The following CNTN4 variants were observed in gnomAD, a reference collection of about 807,000 sequenced individuals.
The protein encoded by CNTN4 is contactin 4.
In CNTN4, 77 loss-of-function variants were observed where a neutral mutation model predicts 122.5. The ratio of observed to expected loss-of-function variants is 0.63; its 90% CI spans 0.52 to 0.76. The LOEUF (loss-of-function observed/expected upper bound fraction) is 0.76. Ranked by LOEUF, CNTN4 falls within the 30% of genes least tolerant of loss-of-function variation. CNTN4 has a pLI of 0.00. For synonymous variants in CNTN4, 512 were observed against 447.0 expected (o/e 1.15, Z -1.83); for missense variants, 1,256 against 1,259.1 (o/e 1.00, Z 0.04).
intron 6 of CNTN4, among the ~76,000 whole-genome samples, chr3:2,791,159 A>T (rs2091996932): frequency 6.6e-6 from 1 of 152,222 alleles, no homozygotes; most frequent in African/African-American, 2.4e-5. Context: ...GTAACTCACA[A>T]GATTACTGTA....
Position 3,034,980 on chromosome 3 carries a change from T to C in CNTN4, c.1942+190T>C, listed in dbSNP as rs147002513. Among the ~76,000 whole-genome samples the C allele has an allele frequency of 2.3e-3, 345 of 152,294 alleles. 3 individuals are homozygous for C. Among genetic ancestry groups the C allele is most frequent in the African/African-American group, 7.9e-3 (330 of 41,544 alleles). ...TTATATCAAATCACAGTTGGGTTTT[T>C]TTAAACTCATCCTAAGCAATAGTAT... On this transcript the variant is annotated intron_variant, in intron 17 of 24. Coordinates refer to ENST00000418658, the MANE Select transcript of CNTN4 (RefSeq NM_175607.3).
At chr3:2,320,581 G>A (rs1301524468) in intron 2 of CNTN4, among the ~76,000 whole-genome samples, 1 of 151,978 alleles carries the variant, frequency 6.6e-6, no homozygotes, top group Non-Finnish European at 1.5e-5. Context: ...AAGGTTAATG[G>A]CACATTAATT....
intron 3 of CNTN4, among the ~76,000 whole-genome samples, chr3:2,427,255 G>T (rs7649185): frequency 0.34 from 51,173 of 151,684 alleles, 10,022 homozygotes; most frequent in East Asian, 0.74. Context: ...GGGTGCCAGA[G>T]ATTCTGGTAT....
At chr3:2,155,161 T>C (rs2035663305) in intron 2 of CNTN4, among the ~76,000 whole-genome samples, 1 of 152,238 alleles carries the variant, frequency 6.6e-6, no homozygotes, top group African/African-American at 2.4e-5. Context: ...ATCTTCTCAT[T>C]ATGTTCAGAA....
intron 11 of CNTN4, among the ~76,000 whole-genome samples, chr3:2,902,450 A>G (rs2094185321): frequency 6.6e-6 from 1 of 152,180 alleles, no homozygotes; most frequent in African/African-American, 2.4e-5. Context: ...TAATCCTATT[A>G]ACCTTCAAAG....
chr3:2,536,121 C>CA (rs2077794429), intron 3 of CNTN4, among the ~76,000 whole-genome samples: 1 of 152,108 alleles, frequency 6.6e-6, no homozygotes, highest in Non-Finnish European at 1.5e-5. Flanking sequence ...CAGGACTCTC[C>CA]AATAGGCAGG....
At position 2,270,121 on chromosome 3, in the gene CNTN4, T is replaced by A. The variant is rs542268799; in HGVS notation, c.-144-69057T>A. On this transcript the variant is annotated intron_variant, in intron 2 of 24. Coordinates refer to ENST00000418658, the MANE Select transcript of CNTN4 (RefSeq NM_175607.3). ...CCCGCCACCGCGCCCGGCTAATTTT[T>A]TGTATTTTTAGTAGAGACGGGGTTT... Among the ~76,000 whole-genome samples the A allele has an allele frequency of 8.5e-3, 786 of 91,952 alleles. 161 individuals are homozygous for A. The highest frequency in any genetic ancestry group is 0.026 in the African/African-American group (750 of 29,234). 60.3% of individuals were successfully genotyped at this position (91,952 alleles called of 152,430 possible).
chr3:2,624,177 T>G (rs997632593), intron 4 of CNTN4, among the ~76,000 whole-genome samples: 1 of 152,214 alleles, frequency 6.6e-6, no homozygotes, highest in African/African-American at 2.4e-5. Flanking sequence ...TAAATTGTTG[T>G]CTTTGTAATT....
chr3:2,748,168 C>T (rs1302339519), intron 6 of CNTN4, among the ~76,000 whole-genome samples: 1 of 152,148 alleles, frequency 6.6e-6, no homozygotes, highest in South Asian at 2.1e-4. Flanking sequence ...GAACTTTTTT[C>T]AGTTAATGAA....
chr3:2,172,943 C>T (rs756190874), intron 2 of CNTN4, among the ~76,000 whole-genome samples: 20 of 152,126 alleles, frequency 1.3e-4, no homozygotes, highest in South Asian at 2.1e-4. Flanking sequence ...AGATGATTGA[C>T]GTTTTAAGCC....
chr3:2,663,530 G>T (rs568855260), intron 4 of CNTN4, among the ~76,000 whole-genome samples: 16 of 152,152 alleles, frequency 1.1e-4, no homozygotes, highest in Non-Finnish European at 8.8e-5. Context: ...GAAGGAGGTT[G>T]AAACTTGAGG....
intron 2 of CNTN4, among the ~76,000 whole-genome samples, chr3:2,208,630 A>G (rs1193025767): frequency 1.3e-5 from 2 of 152,174 alleles, no homozygotes; most frequent in Non-Finnish European, 1.5e-5. Context: ...CTGTGGGTCA[A>G]ATGCTTTCAA....
chr3:2,634,903 A>C (rs2082596816), intron 4 of CNTN4, among the ~76,000 whole-genome samples: 1 of 151,598 alleles, frequency 6.6e-6, no homozygotes, highest in Non-Finnish European at 1.5e-5. Flanking sequence ...TACATACATT[A>C]ACCACTTGAA....
chr3:2,560,487 A>G (rs2078906043), intron 3 of CNTN4, among the ~76,000 whole-genome samples: 2 of 152,196 alleles, frequency 1.3e-5, no homozygotes, highest in South Asian at 4.1e-4. Context: ...CCTTCTAAGT[A>G]AAACAACACT....
intron 2 of CNTN4, among the ~76,000 whole-genome samples, chr3:2,237,716 A>T (rs2149585458): frequency 6.6e-6 from 1 of 152,322 alleles, no homozygotes; most frequent in South Asian, 2.1e-4. Flanking sequence ...ATGGTAAGTG[A>T]TAAGAAGGGA....
At chr3:3,028,194 T>C (rs1205225413) in intron 15 of CNTN4, among the ~76,000 whole-genome samples, 7 of 152,186 alleles carry the variant, frequency 4.6e-5, no homozygotes, top group South Asian at 4.1e-4. Context: ...AAAGTTATTA[T>C]TTCATTGTCC....
intron 2 of CNTN4, among the ~76,000 whole-genome samples, chr3:2,105,589 G>C (rs767508607): frequency 6.6e-6 from 1 of 152,108 alleles, no homozygotes; most frequent in African/African-American, 2.4e-5. Context: ...ACAATCATGA[G>C]ACCAGCATGG....
intron 2 of CNTN4, among the ~76,000 whole-genome samples, chr3:2,166,793 G>A (rs1036033842): frequency 1.8e-4 from 27 of 152,010 alleles, no homozygotes; most frequent in African/African-American, 6.0e-4. Context: ...GAGATTGATG[G>A]AGAAACATTA....
chr3:2,736,020 A>AT, intron 4 of CNTN4, 195 bp from the exon 5 acceptor site: 1 of 718,766 alleles, frequency 1.4e-6, no homozygotes, highest in Non-Finnish European at 2.6e-6. Context: ...GAGGGCTTAT[A>AT]TTTTCACTTC....
Sources: allele counts gnomAD v4.1 joint callset (sites outside exome capture counted in the v4.1 genomes callset), GRCh38; gene constraint gnomAD v4.1.1; transcripts MANE v1.5; gene names NCBI Gene and HGNC (gene_info 2026-07-23, HGNC 2026-07-21).